TLN2: variants seen among roughly 807,000 people sequenced by gnomAD.
TLN2 encodes the protein talin 2.
TLN2 carries 118 observed loss-of-function variants against 294.7 expected under a neutral mutation model. The ratio of observed to expected loss-of-function variants is 0.40; its 90% CI spans 0.34 to 0.47. The LOEUF (loss-of-function observed/expected upper bound fraction) is 0.47. TLN2 is among the 20% of genes least tolerant of loss of function. The pLI is 0.84. For synonymous variants in TLN2, 1,431 were observed against 1,304.5 expected (o/e 1.10, Z -2.09); for missense variants, 3,083 against 3,282.2 (o/e 0.94, Z 1.48).
intron 1 of TLN2, among the ~76,000 whole-genome samples, chr15:62,519,881 A>C (rs188875023): frequency 1.2e-4 from 18 of 152,352 alleles, no homozygotes; most frequent in Non-Finnish European, 1.9e-4. Context: ...CATGCTGCTG[A>C]TAAAGACATA....
At chr15:62,708,373 C>G (rs978800723) in intron 20 of TLN2, 129 bp from the exon 21 acceptor site, 2 of 884,068 alleles carry the variant, frequency 2.3e-6, no homozygotes, top group East Asian at 4.9e-5. Flanking sequence ...AGTAAGAAAC[C>G]GAGCAGTGGT....
Position 62,712,082 on chromosome 15 carries a change from T to A in TLN2, c.2634+5T>A, listed in dbSNP as rs1407424419. On this transcript the variant is annotated splice_donor_5th_base_variant and intron_variant, in intron 22 of 58. Transcript: ENST00000636159. ...CGCATGGTGGAAGCTGCAAAGGTAT[T>A]CTACTGGATTTGTTTGTATGAAAAG... The A allele has an allele frequency of 1.2e-6, 2 of 1,612,798 alleles. No homozygotes were observed.
chr15:62,491,351 T>TACATACACACAC (rs1555416701), intron 1 of TLN2, among the ~76,000 whole-genome samples: 3 of 100,296 alleles, frequency 3.0e-5, no homozygotes, highest in African/African-American at 1.3e-4. Flanking sequence ...TATATATATA[T>TACATACACACAC]ACACACACAC....
chr15:62,457,991 A>T (rs2036576033), intron 1 of TLN2, among the ~76,000 whole-genome samples: 1 of 152,196 alleles, frequency 6.6e-6, no homozygotes, highest in South Asian at 2.1e-4. Context: ...AGAAAACTGG[A>T]AAAAAATGTT....
At chr15:62,440,504 T>C (rs753988751) in intron 1 of TLN2, among the ~76,000 whole-genome samples, 10 of 152,154 alleles carry the variant, frequency 6.6e-5, no homozygotes, top group Non-Finnish European at 7.4e-5. Context: ...TTTTCTGTAA[T>C]AGACTCCTAA....
At chr15:62,484,788 C>T (rs2038299688) in intron 1 of TLN2, among the ~76,000 whole-genome samples, 1 of 152,172 alleles carries the variant, frequency 6.6e-6, no homozygotes, top group South Asian at 2.1e-4. Flanking sequence ...CTCCAGGCTC[C>T]ACTCACCTAA....
At chr15:62,832,883 G>A (rs2141248335) in intron 54 of TLN2, 1 of 152,002 alleles carries the variant, frequency 6.6e-6, no homozygotes, top group African/African-American at 2.4e-5. Context: ...GGCTCTAGAA[G>A]AGAGTAAGTG....
At chr15:62,802,309 A>G (rs4412927) in intron 50 of TLN2, among the ~76,000 whole-genome samples, 36,055 of 150,658 alleles carry the variant, frequency 0.24, 5,144 homozygotes, top group African/African-American at 0.41. Flanking sequence ...TTTTTTTCCT[A>G]TGGCTGAATA....
chr15:62,479,253 C>G (rs2037950857), intron 1 of TLN2, among the ~76,000 whole-genome samples: 1 of 152,146 alleles, frequency 6.6e-6, no homozygotes. Context: ...ATATAGGCAT[C>G]AAGGACTGGT....
intron 22 of TLN2, among the ~76,000 whole-genome samples, chr15:62,713,113 C>A (rs538035055): frequency 6.6e-6 from 1 of 151,464 alleles, no homozygotes; most frequent in African/African-American, 2.4e-5. Context: ...AATAAAAACA[C>A]AAAAAATTAA....
At chr15:62,672,916 A>G (rs2055602792) in intron 9 of TLN2, among the ~76,000 whole-genome samples, 1 of 152,200 alleles carries the variant, frequency 6.6e-6, no homozygotes, top group African/African-American at 2.4e-5. Context: ...CAAATAAAAG[A>G]TGCAGAATGT....
chr15:62,550,612 C>T (rs569955754), intron 1 of TLN2, among the ~76,000 whole-genome samples: 16 of 152,208 alleles, frequency 1.1e-4, no homozygotes, highest in African/African-American at 3.9e-4. Context: ...AGGGGGTGTG[C>T]AGCATTTATG....
intron 9 of TLN2, among the ~76,000 whole-genome samples, chr15:62,662,374 A>G (rs2053948939): frequency 6.6e-6 from 1 of 152,206 alleles, no homozygotes; most frequent in South Asian, 2.1e-4. Flanking sequence ...GTTATTTCAG[A>G]AAATAAAAAA....
intron 1 of TLN2, among the ~76,000 whole-genome samples, chr15:62,433,690 C>G (rs1340834945): frequency 1.3e-5 from 2 of 152,064 alleles, no homozygotes; most frequent in African/African-American, 4.8e-5. Flanking sequence ...GGATACTAAT[C>G]TTATCATACC....
chr15:62,590,857 G>A (rs2046021884), intron 2 of TLN2, among the ~76,000 whole-genome samples: 1 of 152,076 alleles, frequency 6.6e-6, no homozygotes, highest in Non-Finnish European at 1.5e-5. Flanking sequence ...CAGAACTTGG[G>A]ACAGGTTAGT....
At position 62,819,568 on chromosome 15, in the gene TLN2, A is replaced by G. The variant is rs758094458; in HGVS notation, c.6824A>G (p.Lys2275Arg). Residue 2275 changes from lysine to arginine, a missense_variant, in exon 53 of 59, where the codon AAG (lysine) becomes AGG (arginine). By Grantham distance (26) the Lys-to-Arg change is conservative. Transcript: ENST00000636159. ...EFKQQLAAFS[K>R]RVAGAVTELI... is the part of the protein sequence containing the mutation. Reference sequence around the variant, plus strand: ...AAGCAGCAGCTGGCCGCTTTCTCCAAGCGAGTCGCCGGCGCTGTGACAGAG... The same window carrying G: ...AAGCAGCAGCTGGCCGCTTTCTCCAGGCGAGTCGCCGGCGCTGTGACAGAG... 2 of 1,613,718 alleles carry G rather than the reference A, an allele frequency of 1.2e-6. No homozygotes were observed. Among genetic ancestry groups the G allele is most frequent in the Non-Finnish European group, 1.7e-6 (2 of 1,180,012 alleles).
At chr15:62,775,740 G>T (rs1370220938) in intron 42 of TLN2, among the ~76,000 whole-genome samples, 1 of 152,182 alleles carries the variant, frequency 6.6e-6, no homozygotes, top group African/African-American at 2.4e-5. Context: ...CTTTTGAAAG[G>T]GTCTACTTCC....
intron 1 of TLN2, among the ~76,000 whole-genome samples, chr15:62,489,620 A>G (rs151165959): frequency 7.9e-5 from 12 of 152,346 alleles, no homozygotes; most frequent in African/African-American, 2.9e-4. Context: ...TTTAAGGGAC[A>G]GAGCCTGATT....
At chr15:62,820,976 A>G (rs1156999715) in intron 54 of TLN2, among the ~76,000 whole-genome samples, 2 of 152,198 alleles carry the variant, frequency 1.3e-5, no homozygotes, top group African/African-American at 4.8e-5. Flanking sequence ...TGCTTTTTAC[A>G]AAGAAATAGC....
Sources: allele counts gnomAD v4.1 joint callset (sites outside exome capture counted in the v4.1 genomes callset), GRCh38; gene constraint gnomAD v4.1.1; transcripts MANE v1.5; gene names NCBI Gene and HGNC (gene_info 2026-07-23, HGNC 2026-07-21).